MYT1L: variants seen among roughly 807,000 people sequenced by gnomAD.
MYT1L encodes the protein myelin transcription factor 1-like protein.
A neutral mutation model predicts 126.7 loss-of-function variants in MYT1L; 12 were observed. That is an observed-to-expected ratio of 0.09 (90% confidence interval 0.06 to 0.15). MYT1L has a LOEUF of 0.15. MYT1L is among the 10% of genes least tolerant of loss of function. MYT1L has a pLI of 1.00. For missense variants in MYT1L, 979 were observed against 1,585.2 expected (o/e 0.62, Z 6.49); for synonymous variants, 541 against 604.2 (o/e 0.90, Z 1.53).
At position 1,922,744 on chromosome 2, in the gene MYT1L, C is replaced by T; in HGVS notation, c.1025G>A (p.Ser342Asn). ...NQCFDLARKL[S>N]ETNPQERNPQ... is the part of the protein sequence containing the mutation. ...ATTCCTCTCCTGCGGGTTGGTCTCA[C>T]TGAGCTTCCTGGCCAGGTCGAAGCA... The change falls in exon 10 of 25, where the codon AGT becomes AAT. Residue 342 changes from serine to asparagine, a missense_variant. By Grantham distance (46) the Ser-to-Asn change is conservative. This residue lies in a region of MYT1L where 243 missense variants were observed against 363.9 expected (regional missense o/e 0.67). Transcript: ENST00000647738. The surrounding 1 kb of genome is among the most constrained non-coding windows in gnomAD (Gnocchi z 7.4). 1.9e-6 allele frequency: 3 copies of T among 1,613,974 alleles called. No individual in the cohort carries two copies. In the East Asian group the frequency reaches 6.7e-5, roughly 36 times the overall value.
chr2:2,010,365 C>T (rs1368914621), intron 4 of MYT1L, among the ~76,000 whole-genome samples: 1 of 152,074 alleles, frequency 6.6e-6, no homozygotes, highest in East Asian at 1.9e-4. Flanking sequence ...AGTCTGAAGG[C>T]TGACTGTATG....
chr2:2,180,508 A>G (rs2091301026), intron 2 of MYT1L, among the ~76,000 whole-genome samples: 1 of 152,090 alleles, frequency 6.6e-6, no homozygotes, highest in South Asian at 2.1e-4. Flanking sequence ...CTGAAGGTGT[A>G]TGCGAACCTG....
chr2:2,001,106 T>C (rs1170726569), intron 4 of MYT1L, among the ~76,000 whole-genome samples: 1 of 152,210 alleles, frequency 6.6e-6, no homozygotes, highest in Non-Finnish European at 1.5e-5. Context: ...CTGAAAACTG[T>C]TCATCTCCGA....
chr2:2,176,634 G>C (rs1229910284), intron 2 of MYT1L, among the ~76,000 whole-genome samples: 1 of 151,964 alleles, frequency 6.6e-6, no homozygotes, highest in African/African-American at 2.4e-5. Context: ...TAGTAGCTGA[G>C]ATTACAGGTG....
intron 2 of MYT1L, among the ~76,000 whole-genome samples, chr2:2,255,645 A>G (rs188774790): frequency 1.2e-3 from 178 of 152,348 alleles, no homozygotes; most frequent in Non-Finnish European, 5.0e-4. Flanking sequence ...TACAGAATGA[A>G]GGCTGGGCCG....
chr2:1,985,010 C>T (rs555900610), intron 5 of MYT1L, among the ~76,000 whole-genome samples: 9 of 152,244 alleles, frequency 5.9e-5, no homozygotes, highest in Admixed American at 6.5e-5. Flanking sequence ...CTGCTCTCCC[C>T]TCCCCGACAG....
chr2:1,989,536 A>C (rs1205054318), intron 5 of MYT1L, among the ~76,000 whole-genome samples: 1 of 152,208 alleles, frequency 6.6e-6, no homozygotes, highest in Non-Finnish European at 1.5e-5. Context: ...AGGTTTGATT[A>C]AGGATCGCAT....
At chr2:1,832,714 C>T (rs1219199342) in intron 21 of MYT1L, among the ~76,000 whole-genome samples, 1 of 152,160 alleles carries the variant, frequency 6.6e-6, no homozygotes, top group African/African-American at 2.4e-5. Flanking sequence ...TTAAAGCCCT[C>T]AATGTAACCT....
chr2:1,866,785 GGGGGAGAGAGAGAGGCAGAGA>G (rs2045608981), intron 18 of MYT1L, among the ~76,000 whole-genome samples: 1 of 76,722 alleles, frequency 1.3e-5, no homozygotes, highest in African/African-American at 5.0e-5. Flanking sequence ...GAGAGAGGGA[GGGGGAGAGAGAGAGGCAGAGA>G]AGGGGGGAGA....
chr2:2,038,828 C>A (rs925368328), intron 4 of MYT1L, among the ~76,000 whole-genome samples: 2 of 152,120 alleles, frequency 1.3e-5, no homozygotes, highest in Non-Finnish European at 2.9e-5. Context: ...CACACCCCAG[C>A]TCCCCATATG....
intron 21 of MYT1L, among the ~76,000 whole-genome samples, chr2:1,832,010 C>T (rs1183786354): frequency 6.6e-6 from 1 of 152,126 alleles, no homozygotes; most frequent in Non-Finnish European, 1.5e-5. Flanking sequence ...ATCTCAAGTT[C>T]ACGTATTTAA....
intron 3 of MYT1L, among the ~76,000 whole-genome samples, chr2:2,106,867 T>A (rs555158078): frequency 1.3e-5 from 2 of 152,186 alleles, no homozygotes; most frequent in Non-Finnish European, 2.9e-5. Flanking sequence ...AGAGCAGACA[T>A]CCAGTGTCCA....
At chr2:1,844,797 G>C (rs895489355) in intron 19 of MYT1L, among the ~76,000 whole-genome samples, 3 of 152,096 alleles carry the variant, frequency 2.0e-5, no homozygotes, top group Non-Finnish European at 4.4e-5. Context: ...CTAACAAAAA[G>C]TCGCTCCCCC....
chr2:1,925,267 A>C (rs2054072217), intron 9 of MYT1L, among the ~76,000 whole-genome samples: 1 of 152,188 alleles, frequency 6.6e-6, no homozygotes, highest in Admixed American at 6.5e-5. Flanking sequence ...AAGACCTTGA[A>C]AGTGGTGAAC....
chr2:1,831,815 G>T (rs2040229558), intron 21 of MYT1L, among the ~76,000 whole-genome samples: 1 of 152,104 alleles, frequency 6.6e-6, no homozygotes, highest in Non-Finnish European at 1.5e-5. Flanking sequence ...CAAAACGTGT[G>T]TGTCTCCCAG....
In MYT1L at chr2:1,887,848, C is replaced by T. The variant is rs1272848078; in HGVS notation, c.2521-239G>A. 6.6e-6 allele frequency among the ~76,000 whole-genome samples: 1 copy of T among 152,184 alleles called. No homozygotes were observed. The highest frequency in any genetic ancestry group is 2.4e-5 in the African/African-American group (1 of 41,426). On this transcript the variant is annotated intron_variant, in intron 16 of 24. Coordinates refer to ENST00000647738, the MANE Select transcript of MYT1L (RefSeq NM_001303052.2). This position sits in a 1 kb window ranked among gnomAD's most constrained non-coding sequence, Gnocchi z 4.8. ...GTGGTCAGGGCCCTTATTCAATATT[C>T]ACCTGGCTGTGCTCATCACATGGAC...
intron 3 of MYT1L, among the ~76,000 whole-genome samples, chr2:2,055,833 A>T (rs940016989): frequency 1.3e-5 from 2 of 152,218 alleles, no homozygotes; most frequent in African/African-American, 4.8e-5. Context: ...CTAAAAATTC[A>T]TCTCTATCAC....
intron 3 of MYT1L, among the ~76,000 whole-genome samples, chr2:2,090,790 T>C (rs186830546): frequency 6.6e-6 from 1 of 152,344 alleles, no homozygotes; most frequent in Non-Finnish European, 1.5e-5. Flanking sequence ...ACTGGGCTTA[T>C]GTAATATTCT....
intron 13 of MYT1L, among the ~76,000 whole-genome samples, chr2:1,906,525 G>C (rs1251157584): frequency 6.6e-6 from 1 of 152,048 alleles, no homozygotes; most frequent in Admixed American, 6.5e-5. Flanking sequence ...TCAGATTTTA[G>C]ACTGATAGCC....
Sources: gnomAD v4.1 joint callset for allele counts (sites outside exome capture counted in the v4.1 genomes callset) on GRCh38, gnomAD v4.1.1 for gene constraint, gnomAD v4.1.1 regional missense constraint, Gnocchi (gnomAD v3.1) non-coding constraint, MANE v1.5 for transcripts, NCBI Gene and HGNC (gene_info 2026-07-23, HGNC 2026-07-21) for gene names.